Variants in ETFDH observed in about 807,000 individuals in gnomAD.
ETFDH encodes the protein electron transfer flavoprotein dehydrogenase, also known as electron transfer flavoprotein-ubiquinone oxidoreductase, mitochondrial.
In ETFDH, 61 loss-of-function variants were observed where a neutral mutation model predicts 73.2. That is an observed-to-expected ratio of 0.83 (90% CI 0.68 to 1.03). The LOEUF (loss-of-function observed/expected upper bound fraction) is 1.03. Among genes scored for constraint, ETFDH ranks in the 50% least tolerant of loss-of-function variants. The pLI is 0.00. For synonymous variants in ETFDH, 243 were observed against 253.3 expected (o/e 0.96, Z 0.39); for missense variants, 685 against 745.0 (o/e 0.92, Z 0.94).
chr4:158,685,696 A>G (rs1463762769), intron 5 of ETFDH, among the ~76,000 whole-genome samples: 1 of 152,206 alleles, frequency 6.6e-6, no homozygotes, highest in Admixed American at 6.5e-5. Context: ...AACTGACAAT[A>G]GACAGAGTAA....
At position 158,706,238 on chromosome 4, in the gene ETFDH, G is replaced by A; in HGVS notation, c.1335G>A (p.Trp445Ter). The A allele has an allele frequency of 6.2e-7, 1 of 1,612,580 alleles. No homozygotes were observed. ...YEDNLKNSWV[W>*]KELYSVRNIR... ...ACAATTTGAAGAACTCATGGGTATG[G>A]AAAGAGCTATATTCTGTTAGAAATA... Residue 445 changes from tryptophan to a stop codon, truncating the protein, a stop_gained, in exon 11 of 13, where the codon TGG (tryptophan) becomes TGA (stop). Transcript: ENST00000511912. LOFTEE classifies it high-confidence loss of function.
In ETFDH at chr4:158,695,630, T is replaced by C. The variant is rs766845829; in HGVS notation, c.818T>C (p.Ile273Thr). 1 of 1,610,242 alleles carries C rather than the reference T, an allele frequency of 6.2e-7. No individual in the cohort carries two copies. Among genetic ancestry groups the C allele is most frequent in the South Asian group, 1.1e-5 (1 of 90,992 alleles). Residue 273 changes from isoleucine (I) to threonine (T), a missense_variant, in exon 7 of 13, where the codon ATT becomes ACT. Transcript: ENST00000511912. ...RANCEPQTYG[I>T]GLKELWVIDE... ...AATTGTGAACCTCAAACCTACGGGA[T>C]TGGACTGAAGGAGGTATCCTGGTTT...
chr4:158,699,840 A>G lies in ETFDH; in HGVS notation c.1116+710A>G, dbSNP rs566127902. ...GTATACATTCAAAATCTTCTCAAATATAATGTATTCAGTATGTATTAAACA... is the reference window on the plus strand; with the variant it reads ...GTATACATTCAAAATCTTCTCAAATGTAATGTATTCAGTATGTATTAAACA... On this transcript the variant is annotated intron_variant, in intron 9 of 12. Transcript: ENST00000511912. Among the ~76,000 whole-genome samples the G allele has an allele frequency of 7.2e-5, 11 of 152,306 alleles. No individual in the cohort carries two copies. In the East Asian group the frequency reaches 1.7e-3, roughly 24 times the overall value.
intron 9 of ETFDH, among the ~76,000 whole-genome samples, chr4:158,701,226 A>G (rs1206873104): frequency 1.3e-5 from 2 of 152,174 alleles, no homozygotes; most frequent in Non-Finnish European, 2.9e-5. Flanking sequence ...CTCATAGTTT[A>G]TATCCTTTTA....
rs965739323 is a variant in ETFDH at position 158,691,602 on chromosome 4, C to T, written c.684+1177C>T. 4.6e-5 allele frequency among the ~76,000 whole-genome samples: 7 copies of T among 152,190 alleles called. No individual in the cohort carries two copies. The South Asian group carries it at 6.2e-4, about 13-fold the overall frequency. On this transcript the variant is annotated intron_variant, in intron 6 of 12. Coordinates refer to ENST00000511912, the MANE Select transcript of ETFDH (RefSeq NM_004453.4). ...CCTCCCAAATTGCTGGGATTACAGG[C>T]GTGAGCCACCGTGCCTGGCCTTTAT...
Position 158,698,971 on chromosome 4 carries a change from A to C in ETFDH, c.973-16A>C. Reference sequence around the variant, plus strand: ...AAATAAAAATGTCTAATTAAATATAAGTGTAAATTTTTAAGGTTGGTCTAG... The same window carrying C: ...AAATAAAAATGTCTAATTAAATATACGTGTAAATTTTTAAGGTTGGTCTAG... On this transcript the variant is annotated splice_polypyrimidine_tract_variant and intron_variant, in intron 8 of 12. Coordinates refer to ENST00000511912, the MANE Select transcript of ETFDH (RefSeq NM_004453.4). 1 of 1,517,302 alleles carries C rather than the reference A, an allele frequency of 6.6e-7. No homozygotes were observed. The highest frequency in any genetic ancestry group is 1.7e-5 in the Admixed American group (1 of 59,022). 94.0% of individuals were successfully genotyped at this position (1,517,302 alleles called of 1,614,324 possible). A position where few individuals can be genotyped will look rare whatever the true frequency, so the allele number is the denominator to read the frequency against.
intron 5 of ETFDH, among the ~76,000 whole-genome samples, chr4:158,689,594 T>A (rs1774101322): frequency 2.2e-5 from 1 of 46,388 alleles, no homozygotes; most frequent in Non-Finnish European, 3.8e-5. Context: ...AATAAAACCT[T>A]CATATATATA....
At chr4:158,679,264 G>T (rs1008319930) in intron 1 of ETFDH, 1 of 151,842 alleles carries the variant, frequency 6.6e-6, no homozygotes, top group Non-Finnish European at 1.5e-5. Context: ...TTCATGGGAG[G>T]ATTCTTTGTC....
rs1580396868 is a variant in ETFDH, at chr4:158,682,319, G to A, written c.300G>A (p.Val100=). The A allele has an allele frequency of 5.0e-6, 8 of 1,614,182 alleles. No homozygotes were observed. In the East Asian group the frequency reaches 1.8e-4, roughly 36 times the overall value. ...LAVAHEKDIR[V]CLVEKAAQIG... The stretch of plus-strand genomic sequence containing the variant: ...TGGCACATGAAAAGGACATCCGTGT[G>A]TGTCTAGTGGAGAAAGCTGCCCAGA... The change falls in exon 3 of 13, where the codon GTG becomes GTA. Residue 100 remains valine, a synonymous_variant. Transcript: ENST00000511912.
chr4:158,682,463 G>A, intron 3 of ETFDH, 39 bp downstream of exon 3: 1 of 1,468,850 alleles, frequency 6.8e-7, no homozygotes. Flanking sequence ...CTAATCTTTT[G>A]TAATTGTATT....
intron 7 of ETFDH, 81 bp downstream of exon 7, chr4:158,695,724 T>G: frequency 1.1e-6 from 1 of 916,588 alleles, no homozygotes; most frequent in South Asian, 1.4e-5. Context: ...TTTATAATAC[T>G]GATTTAATTT....
chr4:158,682,029 T>A (rs1773872033), intron 2 of ETFDH, 166 bp from the exon 3 acceptor site: 1 of 859,068 alleles, frequency 1.2e-6, no homozygotes, highest in East Asian at 2.6e-5. Flanking sequence ...AACCTAAGAA[T>A]ATAATCATAC....
intron 1 of ETFDH, chr4:158,679,808 ACGCC>A (rs893766616): frequency 2.6e-5 from 4 of 152,116 alleles, no homozygotes; most frequent in African/African-American, 9.7e-5. Context: ...GCAGTGGCTC[ACGCC>A]TATGATCCCA....
At position 158,709,497 on chromosome 4, in the gene ETFDH, A is replaced by T. The variant is rs1159510825; in HGVS notation, c.*970A>T. 1 of 301,496 alleles carries T rather than the reference A, an allele frequency of 3.3e-6. No homozygotes were observed. The highest frequency in any genetic ancestry group is 5.9e-5 in the East Asian group (1 of 17,018). The allele number at this position is 301,496 out of a possible 1,614,324, so 18.7% of individuals were successfully genotyped here. On this transcript the variant is annotated 3_prime_UTR_variant, in exon 13 of 13. Coordinates refer to ENST00000511912, the MANE Select transcript of ETFDH (RefSeq NM_004453.4). Reference sequence around the variant, plus strand: ...CAGTGAGCCGAGATTGCGCCACCGCACTCCAGCCTGGGTGACAGAGCAAGA... The same window carrying T: ...CAGTGAGCCGAGATTGCGCCACCGCTCTCCAGCCTGGGTGACAGAGCAAGA...
chr4:158,691,972 G>A, intron 6 of ETFDH, among the ~76,000 whole-genome samples: 1 of 152,200 alleles, frequency 6.6e-6, no homozygotes, highest in East Asian at 1.9e-4. Flanking sequence ...ATAATGCCAG[G>A]TACCTATTAG....
chr4:158,702,613 C>A (rs1353701058), intron 9 of ETFDH, among the ~76,000 whole-genome samples: 1 of 152,140 alleles, frequency 6.6e-6, no homozygotes, highest in African/African-American at 2.4e-5. Context: ...GTCTTCCAGG[C>A]TCATCCATGT....
chr4:158,684,078 A>G (rs1044592491), intron 3 of ETFDH, among the ~76,000 whole-genome samples: 1 of 152,150 alleles, frequency 6.6e-6, no homozygotes, highest in Non-Finnish European at 1.5e-5. Context: ...CTGGGATGCA[A>G]AACTGGCAAG....
intron 9 of ETFDH, among the ~76,000 whole-genome samples, chr4:158,702,100 T>TCCTTTGTA (rs1356019743): frequency 6.6e-6 from 1 of 152,110 alleles, no homozygotes; most frequent in Admixed American, 6.5e-5. Context: ...AGAGGGTGTA[T>TCCTTTGTA]AGTATCCTTT....
At chr4:158,684,701 TA>T in intron 4 of ETFDH, 28 bp downstream of exon 4, 1 of 1,183,296 alleles carries the variant, frequency 8.5e-7, no homozygotes, top group Non-Finnish European at 1.3e-6. Context: ...TGCATAGAAC[TA>T]TGGAATTCCA....
Sources: allele counts gnomAD v4.1 joint callset (sites outside exome capture counted in the v4.1 genomes callset), GRCh38; gene constraint gnomAD v4.1.1; transcripts MANE v1.5; gene names NCBI Gene and HGNC (gene_info 2026-07-23, HGNC 2026-07-21).